The following SUCO variants were observed in gnomAD, a reference collection of about 807,000 sequenced individuals.
SUCO encodes SUN domain-containing ossification factor.
Under a neutral mutation model 148.1 loss-of-function variants are expected in SUCO, and 57 were observed. The observed-to-expected ratio is 0.38, with a 90% CI of 0.31 to 0.48. The LOEUF (loss-of-function observed/expected upper bound fraction) is 0.48, where lower values mean the gene tolerates loss of function less well. Among genes scored for constraint, SUCO ranks in the 20% least tolerant of loss-of-function variants. SUCO has a pLI of 0.96. For missense variants in SUCO, 1,331 were observed against 1,468.2 expected, an observed-to-expected ratio of 0.91 and a Z score of 1.53; for synonymous variants, 470 against 502.7, an observed-to-expected ratio of 0.93 and a Z score of 0.87.
chr1:172,577,296 ATAACCT>A (rs1434237276), intron 11 of SUCO, among the ~76,000 whole-genome samples: 1 of 151,724 alleles, frequency 6.6e-6, no homozygotes, highest in Admixed American at 6.6e-5. Flanking sequence ...TAGTTAACTT[ATAACCT>A]TAAAGTTAAT....
intron 1 of SUCO, among the ~76,000 whole-genome samples, chr1:172,545,949 C>T (rs1652826599): frequency 6.6e-6 from 1 of 151,572 alleles, no homozygotes; most frequent in Non-Finnish European, 1.5e-5. Flanking sequence ...TCCTTTCTTT[C>T]CTGGCAGGGT....
At chr1:172,545,647 T>A (rs1232719377) in intron 1 of SUCO, among the ~76,000 whole-genome samples, 1 of 152,152 alleles carries the variant, frequency 6.6e-6, no homozygotes, top group Non-Finnish European at 1.5e-5. Context: ...GAAACTAGAT[T>A]TCAGCAGGCT....
At chr1:172,605,065 C>T (rs747367769) in intron 22 of SUCO, among the ~76,000 whole-genome samples, 10 of 151,650 alleles carry the variant, frequency 6.6e-5, no homozygotes, top group Non-Finnish European at 1.3e-4. Flanking sequence ...TTATAACCTC[C>T]GTTATGGATT....
chr1:172,602,813 G>A (rs765207692), intron 22 of SUCO, 26 bp downstream of exon 22: 7 of 1,518,902 alleles, frequency 4.6e-6, no homozygotes, highest in Non-Finnish European at 6.4e-6. Flanking sequence ...TATATAATAT[G>A]TATATATAAA....
At chr1:172,588,388 T>A (rs1656384816) in intron 17 of SUCO, 1 of 985,218 alleles carries the variant, frequency 1.0e-6, no homozygotes. Context: ...TTCTGATGTG[T>A]AAGGGATAGT....
rs753735087 is a variant in SUCO, at chr1:172,589,463, G to C, written c.2362G>C (p.Glu788Gln). 5.0e-6 allele frequency: 8 copies of C among 1,611,546 alleles called. No homozygotes were observed. The highest frequency in any genetic ancestry group is 1.7e-5 in the Admixed American group (1 of 59,376). Residue 788 changes from glutamate (E) to glutamine (Q), a missense_variant, in exon 18 of 24, where the codon GAG (glutamate) becomes CAG (glutamine). Glu to Gln is a conservative substitution (Grantham distance 29). Coordinates refer to ENST00000263688, the MANE Select transcript of SUCO (RefSeq NM_014283.5). ...AAAGTCTGAGAGCTTTAGTTCTATA[G>C]AGAAACCATCTATTACCTATGAAAC... ...EQKSESFSSI[E>Q]KPSITYETNK...
Position 172,611,410 on chromosome 1 carries a change from G to A in SUCO, c.*1151G>A, listed in dbSNP as rs994621052. On this transcript the variant is annotated 3_prime_UTR_variant, in exon 24 of 24. Coordinates refer to ENST00000263688, the MANE Select transcript of SUCO (RefSeq NM_014283.5). Reference sequence around the variant, plus strand: ...GATTGTACAGTAATGAATGAAAGTGGAACATGTTTCTTTTTGAAAGGGAGA... The same window carrying A: ...GATTGTACAGTAATGAATGAAAGTGAAACATGTTTCTTTTTGAAAGGGAGA... The A allele has an allele frequency of 6.6e-6, 1 of 152,576 alleles. No individual in the cohort carries two copies. Among genetic ancestry groups the A allele is most frequent in the African/African-American group, 2.4e-5 (1 of 41,440 alleles). 9.5% of individuals were successfully genotyped at this position (152,576 alleles called of 1,614,324 possible).
chr1:172,583,651 G>A (rs547230084), intron 15 of SUCO, among the ~76,000 whole-genome samples: 29 of 152,152 alleles, frequency 1.9e-4, no homozygotes, highest in African/African-American at 5.5e-4. Flanking sequence ...TCTGTGGATC[G>A]CTTTAGGAAG....
At chr1:172,555,620 T>A in intron 3 of SUCO, among the ~76,000 whole-genome samples, 1 of 152,186 alleles carries the variant, frequency 6.6e-6, no homozygotes, top group Admixed American at 6.5e-5. Context: ...AAGTAGGAAA[T>A]AGGTAGGGAG....
chr1:172,543,112 G>T (rs1225608315), intron 1 of SUCO: 1 of 644,274 alleles, frequency 1.6e-6, no homozygotes, highest in Non-Finnish European at 1.9e-6. Flanking sequence ...AGTGCCACTG[G>T]ATTTGTCTTA....
At chr1:172,539,719 A>G (rs1652303565) in intron 1 of SUCO, among the ~76,000 whole-genome samples, 1 of 152,232 alleles carries the variant, frequency 6.6e-6, no homozygotes, top group Non-Finnish European at 1.5e-5. Context: ...AGTAAGCACT[A>G]CTGTATGAGT....
At chr1:172,550,982 T>C (rs1340900918) in intron 1 of SUCO, 3 of 577,868 alleles carry the variant, frequency 5.2e-6, no homozygotes, top group Non-Finnish European at 6.5e-6. Flanking sequence ...TTCTTTTTTA[T>C]TGTTTTCTTG....
At position 172,585,862 on chromosome 1, in the gene SUCO, TA is replaced by T; in HGVS notation, c.1576del (p.Ser526ValfsTer30). 6.3e-7 allele frequency: 1 copy of T among 1,595,096 alleles called. No homozygotes were observed. Among genetic ancestry groups the T allele is most frequent in the Non-Finnish European group, 8.5e-7 (1 of 1,170,566 alleles). ...TGGGCATCTTTCTTAAAATAGGAAATAAAAGTATATCTGAGAATGCCACTGC... is the reference window on the plus strand; with the variant it reads ...TGGGCATCTTTCTTAAAATAGGAAATAAAGTATATCTGAGAATGCCACTGC... Reference protein sequence around the residue: ...AKTEDLTEGNKSISENATATA... With the variant: ...AKTEDLTEGNXSISENATATA... On this transcript the variant is annotated frameshift_variant, in exon 17 of 24. Transcript: ENST00000263688. LOFTEE classifies it high-confidence loss of function.
At chr1:172,598,809 G>A (rs1393352039) in intron 19 of SUCO, among the ~76,000 whole-genome samples, 2 of 152,140 alleles carry the variant, frequency 1.3e-5, no homozygotes, top group African/African-American at 2.4e-5. Context: ...TCAAATGTAA[G>A]TCAGGATTCA....
chr1:172,596,546 G>T (rs1306257341), intron 19 of SUCO, among the ~76,000 whole-genome samples: 1 of 152,180 alleles, frequency 6.6e-6, no homozygotes, highest in Non-Finnish European at 1.5e-5. Context: ...TTTGCTGGAG[G>T]TCCACTCCAA....
chr1:172,547,479 CATT>C (rs1268463057), intron 1 of SUCO, among the ~76,000 whole-genome samples: 1 of 152,132 alleles, frequency 6.6e-6, no homozygotes, highest in Non-Finnish European at 1.5e-5. Flanking sequence ...GTCACAACAT[CATT>C]ATAATATCCT....
chr1:172,551,934 C>T (rs1653333257), intron 2 of SUCO: 1 of 169,632 alleles, frequency 5.9e-6, no homozygotes, highest in Non-Finnish European at 1.3e-5. Flanking sequence ...TTTAAAGAAA[C>T]CCCAATTTTG....
chr1:172,581,250 G>A (rs919175227), intron 15 of SUCO, among the ~76,000 whole-genome samples: 1 of 152,114 alleles, frequency 6.6e-6, no homozygotes, highest in Non-Finnish European at 1.5e-5. Context: ...TCTCCTTGAA[G>A]GTATATCACT....
intron 1 of SUCO, among the ~76,000 whole-genome samples, chr1:172,547,311 T>G (rs1053852897): frequency 3.3e-5 from 5 of 152,246 alleles, no homozygotes; most frequent in African/African-American, 9.6e-5. Context: ...TCTGGACTGC[T>G]TCCAGGTTTT....
Sources: allele counts gnomAD v4.1 joint callset (sites outside exome capture counted in the v4.1 genomes callset), GRCh38; gene constraint gnomAD v4.1.1; transcripts MANE v1.5; gene names NCBI Gene and HGNC (gene_info 2026-07-23, HGNC 2026-07-21).